The following XYLB variants were observed in gnomAD, a reference collection of about 807,000 sequenced individuals.
The protein encoded by XYLB is xylulokinase.
Under a neutral mutation model 78.7 loss-of-function variants are expected in XYLB, and 62 were observed. That is an observed-to-expected ratio of 0.79 (90% confidence interval 0.64 to 0.97). XYLB has a LOEUF of 0.97. XYLB is among the 50% of genes least tolerant of loss of function. The pLI, the probability that XYLB is intolerant of heterozygous loss-of-function variation, is 0.00. For synonymous variants in XYLB, 245 were observed against 247.4 expected, an observed-to-expected ratio of 0.99 and a Z score of 0.09; for missense variants, 687 against 676.8, an observed-to-expected ratio of 1.02 and a Z score of -0.17.
At chr3:38,388,322 T>C (rs1707487803) in intron 15 of XYLB, among the ~76,000 whole-genome samples, 1 of 152,098 alleles carries the variant, frequency 6.6e-6, no homozygotes. Context: ...TTGTACAACA[T>C]GGTGATGATA....
the XYLB span, among the ~76,000 whole-genome samples, chr3:38,430,297 G>A: frequency 6.6e-6 from 1 of 152,222 alleles, no homozygotes; most frequent in African/African-American, 2.4e-5. Context: ...GCATTTATCT[G>A]ATGACCAGTG....
chr3:38,389,461 A>G (rs1707551408), intron 15 of XYLB, among the ~76,000 whole-genome samples: 1 of 152,048 alleles, frequency 6.6e-6, no homozygotes. Context: ...GCTGTTGGGT[A>G]CACCTCCCAG....
chr3:38,405,767 G>T (rs1229917905), intron 18 of XYLB, among the ~76,000 whole-genome samples: 2 of 152,266 alleles, frequency 1.3e-5, no homozygotes, highest in African/African-American at 2.4e-5. Context: ...TACGCCCACG[G>T]AGTCTTGCTG....
chr3:38,438,067 A>T, the XYLB span, among the ~76,000 whole-genome samples: 1 of 151,696 alleles, frequency 6.6e-6, no homozygotes, highest in African/African-American at 2.4e-5. Flanking sequence ...AAAAATAAAA[A>T]ATAAAATATA....
chr3:38,356,483 ACT>A (rs1310583800), intron 2 of XYLB: 1 of 151,924 alleles, frequency 6.6e-6, no homozygotes, highest in South Asian at 2.1e-4. Flanking sequence ...ACCACAATCA[ACT>A]CTCTATCTCT....
chr3:38,449,060 G>GT, the XYLB span, among the ~76,000 whole-genome samples: 193 of 151,514 alleles, frequency 1.3e-3, no homozygotes, highest in African/African-American at 4.5e-3. Context: ...GGATGGTCTG[G>GT]TTTTTTCCAT....
chr3:38,442,956 C>T, the XYLB span, among the ~76,000 whole-genome samples: 1,058 of 152,206 alleles, frequency 7.0e-3, 8 homozygotes, highest in African/African-American at 0.024. Flanking sequence ...AAAAGGGTAA[C>T]TTGTTCCCCA....
rs544482012 is a variant in XYLB at position 38,360,904 on chromosome 3, C to G, written c.210+496C>G. Among the ~76,000 whole-genome samples, 386 of 152,114 alleles carry G rather than the reference C, an allele frequency of 2.5e-3. 2 individuals carry two copies. The highest frequency in any genetic ancestry group is 8.7e-3 in the African/African-American group (361 of 41,528). ...CAAAAAATTAGCCGGGCGTGGTGGC[C>G]CATGCTTGTAATCCCAGCTACTCAG... On this transcript the variant is annotated intron_variant, in intron 3 of 18. Coordinates refer to ENST00000207870, the MANE Select transcript of XYLB (RefSeq NM_005108.4).
intron 9 of XYLB, 129 bp downstream of exon 9, chr3:38,370,303 GC>G (rs1706490771): frequency 1.5e-6 from 1 of 675,968 alleles, no homozygotes; most frequent in African/African-American, 1.8e-5. Context: ...TCACCCACAG[GC>G]ATACACATGC....
chr3:38,440,159 G>T, the XYLB span, among the ~76,000 whole-genome samples: 1 of 152,098 alleles, frequency 6.6e-6, no homozygotes, highest in Non-Finnish European at 1.5e-5. Context: ...AGCTTTGAGG[G>T]GCACTAATAT....
chr3:38,441,055 G>A, the XYLB span, among the ~76,000 whole-genome samples: 3 of 151,508 alleles, frequency 2.0e-5, no homozygotes, highest in South Asian at 2.1e-4. Flanking sequence ...TCTACCAGCC[G>A]CTTATGCTGC....
rs1477530243 is a variant in XYLB, at chr3:38,414,773, G to A, written c.*1760G>A. On this transcript the variant is annotated 3_prime_UTR_variant, in exon 19 of 19. Coordinates refer to ENST00000207870, the MANE Select transcript of XYLB (RefSeq NM_005108.4). ...CACGTAGAAGGTAGGAGTAAGAAAAGCTAAGAGAAGCAAAACAAACAAAGC... is the reference window on the plus strand; with the variant it reads ...CACGTAGAAGGTAGGAGTAAGAAAAACTAAGAGAAGCAAAACAAACAAAGC... 3 of 151,960 alleles carry A rather than the reference G, an allele frequency of 2.0e-5. No homozygotes were observed. The highest frequency in any genetic ancestry group is 7.3e-5 in the African/African-American group (3 of 41,330). 9.4% of individuals were successfully genotyped at this position (151,960 alleles called of 1,614,324 possible).
At chr3:38,372,872 A>C (rs1706646292) in intron 10 of XYLB, 136 bp downstream of exon 10, 1 of 959,252 alleles carries the variant, frequency 1.0e-6, no homozygotes, top group Non-Finnish European at 1.6e-6. Flanking sequence ...TGGATGTTTG[A>C]GAATTCCAGT....
chr3:38,447,272 A>G, the XYLB span, among the ~76,000 whole-genome samples: 1 of 152,062 alleles, frequency 6.6e-6, no homozygotes, highest in African/African-American at 2.4e-5. Flanking sequence ...AAAAATAACA[A>G]TGTTGACGAG....
chr3:38,384,568 A>G (rs1345186807), intron 15 of XYLB, among the ~76,000 whole-genome samples: 1 of 152,260 alleles, frequency 6.6e-6, no homozygotes, highest in Non-Finnish European at 1.5e-5. Context: ...GCAGGTCTTA[A>G]AAACAACTAT....
chr3:38,355,008 A>T (rs1453931224), intron 2 of XYLB, among the ~76,000 whole-genome samples: 1 of 152,160 alleles, frequency 6.6e-6, no homozygotes, highest in Non-Finnish European at 1.5e-5. Flanking sequence ...AATGACCACA[A>T]TACTCCACCC....
intron 4 of XYLB, among the ~76,000 whole-genome samples, chr3:38,363,795 A>G (rs1706102308): frequency 6.6e-6 from 1 of 152,330 alleles, no homozygotes; most frequent in Non-Finnish European, 1.5e-5. Flanking sequence ...CCAAGATCAC[A>G]CAGTGCTGGG....
At chr3:38,363,615 C>T (rs1038911918) in intron 4 of XYLB, among the ~76,000 whole-genome samples, 11 of 152,206 alleles carry the variant, frequency 7.2e-5, no homozygotes, top group African/African-American at 2.2e-4. Context: ...ACCTGGGATA[C>T]GTCATCTGGC....
chr3:38,372,728 A>G lies in XYLB; in HGVS notation c.839A>G (p.Asp280Gly). The change falls in exon 10 of 19, where the codon GAC becomes GGC. Residue 280 changes from aspartate to glycine, a missense_variant. Coordinates refer to ENST00000207870, the MANE Select transcript of XYLB (RefSeq NM_005108.4). The stretch of plus-strand genomic sequence containing the variant: ...TGCAAAGTGGTGGCCTTCACTGGGG[A>G]CAACCCAGGTGAGTATCTCGGGGAG... ...PGCKVVAFTGDNPASLAGMRL... is the reference protein window; with the variant it reads ...PGCKVVAFTGGNPASLAGMRL... The G allele has an allele frequency of 6.2e-7, 1 of 1,614,040 alleles. No individual in the cohort carries two copies. Among genetic ancestry groups the G allele is most frequent in the Non-Finnish European group, 8.5e-7 (1 of 1,179,996 alleles).
Sources: allele counts gnomAD v4.1 joint callset (sites outside exome capture counted in the v4.1 genomes callset), GRCh38; gene constraint gnomAD v4.1.1; transcripts MANE v1.5; gene names NCBI Gene and HGNC (gene_info 2026-07-23, HGNC 2026-07-21).